The following NAPB variants were observed in gnomAD, a reference collection of about 807,000 sequenced individuals.
The protein encoded by NAPB is NSF attachment protein beta, also known as beta-soluble NSF attachment protein.
NAPB carries 26 observed loss-of-function variants against 44.7 expected under a neutral mutation model. The observed-to-expected ratio is 0.58, with a 90% CI of 0.43 to 0.81. The LOEUF is 0.81. Among genes scored for constraint, NAPB ranks in the 30% least tolerant of loss-of-function variants. NAPB has a pLI of 0.00. For missense variants in NAPB, 315 were observed against 356.4 expected, an observed-to-expected ratio of 0.88 and a Z score of 0.94; for synonymous variants, 120 against 116.8, an observed-to-expected ratio of 1.03 and a Z score of -0.18.
intron 1 of NAPB, among the ~76,000 whole-genome samples, chr20:23,416,245 C>G (rs1985997483): frequency 6.6e-6 from 1 of 152,070 alleles, no homozygotes; most frequent in South Asian, 2.1e-4. Flanking sequence ...CCTCACAGAG[C>G]TCACAAGAAT....
intron 7 of NAPB, among the ~76,000 whole-genome samples, chr20:23,386,513 T>C (rs759441964): frequency 4.6e-5 from 7 of 152,184 alleles, no homozygotes; most frequent in Non-Finnish European, 8.8e-5. Context: ...CAATATCCTT[T>C]ATGAACATAG....
intron 4 of NAPB, 21 bp from the exon 5 acceptor site, chr20:23,395,020 C>T (rs1166231035): frequency 1.2e-6 from 2 of 1,613,632 alleles, no homozygotes; most frequent in Middle Eastern, 1.6e-4. Flanking sequence ...AAACAAGAAA[C>T]AGTCACACAC....
At position 23,381,269 on chromosome 20, in the gene NAPB, C is replaced by T; in HGVS notation, c.610G>A (p.Asp204Asn). ...DNPLLKYSAKDYFFKAALCHF... is the reference protein window; with the variant it reads ...DNPLLKYSAKNYFFKAALCHF... Reference sequence around the variant, plus strand: ...CAGAGGGCAGCTTTGAAGAAGTAATCCTTTGCACTGTATTTCAACAAAGGA... The same window carrying T: ...CAGAGGGCAGCTTTGAAGAAGTAATTCTTTGCACTGTATTTCAACAAAGGA... The change falls in exon 8 of 11, where the codon GAT becomes AAT. Residue 204 changes from aspartate to asparagine, a missense_variant. Asp to Asn is a conservative substitution (Grantham distance 23). Around this residue, in one of 3 missense-constraint regions of NAPB, gnomAD observed 120 missense variants for 130.5 expected, o/e 0.92. Transcript: ENST00000377026. 6.2e-7 allele frequency: 1 copy of T among 1,611,090 alleles called. No homozygotes were observed. The highest frequency in any genetic ancestry group is 1.1e-5 in the South Asian group (1 of 90,590).
chr20:23,421,445 GTGCGCCCAGGCGC>G lies in NAPB; in HGVS notation c.-56_-44del. The G allele has an allele frequency of 6.6e-7, 1 of 1,520,882 alleles. No homozygotes were observed. The highest frequency in any genetic ancestry group is 8.9e-7 in the Non-Finnish European group (1 of 1,129,578). 94.2% of individuals were successfully genotyped at this position (1,520,882 alleles called of 1,614,324 possible). A position where few individuals can be genotyped will look rare whatever the true frequency, so the allele number is the denominator to read the frequency against. On this transcript the variant is annotated 5_prime_UTR_variant, in exon 1 of 11. Coordinates refer to ENST00000377026, the MANE Select transcript of NAPB (RefSeq NM_022080.3). ...CCACAGCCCCCTCAGCCGGCTCGCTGTGCGCCCAGGCGCCTTAACCCTCCCTCTGGCGGCCGCA... is the reference window on the plus strand; with the variant it reads ...CCACAGCCCCCTCAGCCGGCTCGCTGCTTAACCCTCCCTCTGGCGGCCGCA...
chr20:23,389,340 T>C (rs1231114979), intron 7 of NAPB, among the ~76,000 whole-genome samples: 1 of 150,278 alleles, frequency 6.7e-6, no homozygotes, highest in Non-Finnish European at 1.5e-5. Flanking sequence ...ACTGTGAAAA[T>C]GTCTGGCAGT....
At position 23,390,220 on chromosome 20, in the gene NAPB, T is replaced by G; in HGVS notation, c.465A>C (p.Glu155Asp). ...YEQSADYYKG[E>D]ESNSSANKCL... ...AAAGTAATACTTGCCTGTTGGATTC[T>G]TCTCCTTTGTAATAATCAGCAGATT... The change falls in exon 6 of 11, where the codon GAA (glutamate) becomes GAC (aspartate). Residue 155 changes from glutamate (E) to aspartate (D), a missense_variant. Glu to Asp is a conservative substitution (Grantham distance 45, BLOSUM62 2). This residue lies in a region of NAPB where 16 missense variants were observed against 43.4 expected (regional missense o/e 0.37). Coordinates refer to ENST00000377026, the MANE Select transcript of NAPB (RefSeq NM_022080.3). 1 of 1,610,498 alleles carries G rather than the reference T, an allele frequency of 6.2e-7. No individual in the cohort carries two copies. Among genetic ancestry groups the G allele is most frequent in the Non-Finnish European group, 8.5e-7 (1 of 1,176,778 alleles).
intron 10 of NAPB, 31 bp from the exon 11 acceptor site, chr20:23,377,517 C>T: frequency 6.8e-7 from 1 of 1,467,976 alleles, no homozygotes; most frequent in South Asian, 1.3e-5. Context: ...CAGGAATTAC[C>T]CCATGTAAAT....
chr20:23,384,405 A>C (rs561346789), intron 7 of NAPB, among the ~76,000 whole-genome samples: 12 of 151,948 alleles, frequency 7.9e-5, no homozygotes, highest in Admixed American at 2.0e-4. Flanking sequence ...CTACAAAAAG[A>C]CTTGAGCTCA....
At chr20:23,380,264 A>G (rs1318624934) in intron 8 of NAPB, among the ~76,000 whole-genome samples, 1 of 152,196 alleles carries the variant, frequency 6.6e-6, no homozygotes, top group African/African-American at 2.4e-5. Flanking sequence ...ATTCCAAATA[A>G]ATTACATTTA....
At chr20:23,381,437 T>C in intron 7 of NAPB, 120 bp from the exon 8 acceptor site, 2 of 594,598 alleles carry the variant, frequency 3.4e-6, no homozygotes. Context: ...AGCTATGAAA[T>C]ATATTATTTT....
chr20:23,390,251 T>A lies in NAPB; in HGVS notation c.434A>T (p.Tyr145Phe). ...LVDIEKAIAHYEQSADYYKGE... is the reference protein window; with the variant it reads ...LVDIEKAIAHFEQSADYYKGE... ...TTTGTAATAATCAGCAGATTGTTCA[T>A]AATGTGCAATAGCCTGAAAACATAC... is the stretch of plus-strand genomic sequence containing the variant. Residue 145 changes from tyrosine to phenylalanine, a missense_variant, in exon 6 of 11, where the codon TAT (tyrosine) becomes TTT (phenylalanine). This residue lies in a region of NAPB where 179 missense variants were observed against 182.5 expected (regional missense o/e 0.98). Transcript: ENST00000377026. 6.2e-7 allele frequency: 1 copy of A among 1,610,954 alleles called. No individual in the cohort carries two copies. The highest frequency in any genetic ancestry group is 8.5e-7 in the Non-Finnish European group (1 of 1,177,118).
At chr20:23,377,519 C>T (rs770330801) in intron 10 of NAPB, 33 bp from the exon 11 acceptor site, 138 of 1,402,114 alleles carry the variant, frequency 9.8e-5, no homozygotes, top group Middle Eastern at 1.8e-4. Context: ...GGAATTACCC[C>T]ATGTAAATAC....
intron 1 of NAPB, among the ~76,000 whole-genome samples, chr20:23,403,755 G>A (rs571996387): frequency 6.6e-6 from 1 of 152,134 alleles, no homozygotes; most frequent in Non-Finnish European, 1.5e-5. Context: ...TTAAAAGTAC[G>A]TTTTTCAAAG....
intron 2 of NAPB, among the ~76,000 whole-genome samples, chr20:23,400,213 C>T (rs932616906): frequency 1.3e-5 from 2 of 152,184 alleles, no homozygotes; most frequent in South Asian, 4.1e-4. Flanking sequence ...CAAATGCTAG[C>T]TCGGTCTATC....
intron 5 of NAPB, among the ~76,000 whole-genome samples, chr20:23,391,495 A>C (rs2123175330): frequency 6.6e-6 from 1 of 152,316 alleles, no homozygotes; most frequent in South Asian, 2.1e-4. Flanking sequence ...AGCTCTCATA[A>C]GATTGAAAAA....
At position 23,389,933 on chromosome 20, in the gene NAPB, A is replaced by G. The variant is rs753268645; in HGVS notation, c.561+13T>C. 6.2e-7 allele frequency: 1 copy of G among 1,606,436 alleles called. No individual in the cohort carries two copies. The highest frequency in any genetic ancestry group is 8.5e-7 in the Non-Finnish European group (1 of 1,175,446). On this transcript the variant is annotated intron_variant, in intron 7 of 10. Coordinates refer to ENST00000377026, the MANE Select transcript of NAPB (RefSeq NM_022080.3). ...CAGACAACTTCTCTCCAAGGAAACA[A>G]CAGTATCCTCACCTGCTCATAGATC...
chr20:23,401,797 C>T (rs890576216), intron 2 of NAPB, among the ~76,000 whole-genome samples: 2 of 152,208 alleles, frequency 1.3e-5, no homozygotes, highest in Non-Finnish European at 2.9e-5. Context: ...ATAAGAATCG[C>T]TTGAGCCCCA....
chr20:23,380,431 C>T (rs1193916900), intron 8 of NAPB, among the ~76,000 whole-genome samples: 1 of 152,196 alleles, frequency 6.6e-6, no homozygotes. Flanking sequence ...AGTCCTCACT[C>T]CAACACCATT....
chr20:23,376,646 G>T lies in NAPB; in HGVS notation c.*730C>A, dbSNP rs1982541264. 6.6e-6 allele frequency: 1 copy of T among 152,202 alleles called. No homozygotes were observed. Among genetic ancestry groups the T allele is most frequent in the African/African-American group, 2.4e-5 (1 of 41,446 alleles). The allele number at this position is 152,202 out of a possible 1,614,324, so 9.4% of individuals were successfully genotyped here. Reference sequence around the variant, plus strand: ...AGTGAAAACTATCTCCAGAAAAAGAGAAAAATTCCATTTCTAACAGATCTT... The same window carrying T: ...AGTGAAAACTATCTCCAGAAAAAGATAAAAATTCCATTTCTAACAGATCTT... On this transcript the variant is annotated 3_prime_UTR_variant, in exon 11 of 11. Transcript: ENST00000377026.
Sources: gnomAD v4.1 joint callset for allele counts (sites outside exome capture counted in the v4.1 genomes callset) on GRCh38, gnomAD v4.1.1 for gene constraint, gnomAD v4.1.1 regional missense constraint, MANE v1.5 for transcripts, NCBI Gene and HGNC (gene_info 2026-07-23, HGNC 2026-07-21) for gene names.